PDE6A: variants seen among roughly 807,000 people sequenced by gnomAD.
The protein encoded by PDE6A is phosphodiesterase 6A.
A neutral mutation model predicts 106.3 loss-of-function variants in PDE6A; 84 were observed. The ratio of observed to expected loss-of-function variants is 0.79; its 90% CI spans 0.66 to 0.95. The LOEUF (loss-of-function observed/expected upper bound fraction) is 0.95. Ranked by LOEUF, PDE6A falls within the 40% of genes least tolerant of loss-of-function variation. PDE6A has a pLI of 0.00. For missense variants in PDE6A, 1,052 were observed against 1,084.9 expected, an observed-to-expected ratio of 0.97 and a Z score of 0.43; for synonymous variants, 394 against 386.6, an observed-to-expected ratio of 1.02 and a Z score of -0.23.
intron 20 of PDE6A, among the ~76,000 whole-genome samples, chr5:149,865,963 T>C (rs1423025755): frequency 3.3e-5 from 5 of 152,226 alleles, no homozygotes; most frequent in African/African-American, 1.2e-4. Context: ...ATTAAGCAAC[T>C]AGGATGTACC....
chr5:149,915,123 C>A, intron 5 of PDE6A, 116 bp from the exon 6 acceptor site: 1 of 637,530 alleles, frequency 1.6e-6, no homozygotes. Flanking sequence ...CAACCTCCAT[C>A]TCCTGCGTTC....
intron 11 of PDE6A, 103 bp downstream of exon 11, chr5:149,896,606 AAC>A (rs1463162839): frequency 6.2e-7 from 1 of 1,613,674 alleles, no homozygotes; most frequent in Non-Finnish European, 8.5e-7. Context: ...GAAGGATCAG[AAC>A]AGAGTGATGG....
chr5:149,895,956 T>C lies in PDE6A; in HGVS notation c.1620+400A>G, dbSNP rs1460272738. 2.0e-4 allele frequency among the ~76,000 whole-genome samples: 31 copies of C among 152,294 alleles called. 1 individual carries two copies. In the East Asian group the frequency reaches 6.0e-3, roughly 29 times the overall value. ...ATCCCACTGCCTCCCACACATACCTTCTCTGCCGTCCCCCATGACCCTAGA... is the reference window on the plus strand; with the variant it reads ...ATCCCACTGCCTCCCACACATACCTCCTCTGCCGTCCCCCATGACCCTAGA... On this transcript the variant is annotated intron_variant, in intron 12 of 21. Coordinates refer to ENST00000255266, the MANE Select transcript of PDE6A (RefSeq NM_000440.3).
intron 13 of PDE6A, among the ~76,000 whole-genome samples, chr5:149,889,665 G>A (rs1428965738): frequency 1.3e-5 from 2 of 152,090 alleles, no homozygotes; most frequent in South Asian, 2.1e-4. Context: ...CAGCACTCTG[G>A]GAGGCTGAGG....
intron 21 of PDE6A, among the ~76,000 whole-genome samples, chr5:149,862,757 C>CA (rs1431682139): frequency 6.6e-6 from 1 of 152,032 alleles, no homozygotes; most frequent in African/African-American, 2.4e-5. Context: ...GACTCCGGCT[C>CA]AAAAAATAAA....
At chr5:149,934,042 G>A (rs1385053967) in intron 2 of PDE6A, 23 bp from the exon 3 acceptor site, 6 of 1,330,324 alleles carry the variant, frequency 4.5e-6, no homozygotes, top group African/African-American at 1.4e-5. Context: ...CAGCATGAGG[G>A]GAGGCAGGTG....
At chr5:149,886,403 TCCTTTTGTGTAGGGGCTGGAAGCAGGG>T (rs1389593272) in intron 13 of PDE6A, 29 bp from the exon 14 acceptor site, 1 of 1,549,676 alleles carries the variant, frequency 6.5e-7, no homozygotes. Context: ...TGCAAATCAT[TCCTTTTGTGTAGGGGCTGGAAGCAGGG>T]CTGAAAAGGC....
At chr5:149,922,296 AATTATTATT>A (rs142378973) in intron 4 of PDE6A, among the ~76,000 whole-genome samples, 6 of 148,900 alleles carry the variant, frequency 4.0e-5, no homozygotes, top group Non-Finnish European at 8.9e-5. Flanking sequence ...ATTTACAACA[AATTATTATT>A]ATTATTATTA....
intron 3 of PDE6A, among the ~76,000 whole-genome samples, chr5:149,932,982 AGT>A (rs1754087808): frequency 6.6e-6 from 1 of 152,098 alleles, no homozygotes; most frequent in South Asian, 2.1e-4. Flanking sequence ...CAAAAGCTAA[AGT>A]GTTTGTTTTT....
At chr5:149,883,274 A>T (rs2544934) in intron 17 of PDE6A, among the ~76,000 whole-genome samples, 155 bp downstream of exon 17, 21,968 of 152,196 alleles carry the variant, frequency 0.14, 1,659 homozygotes, top group South Asian at 0.26. Context: ...GGCTTGTGCA[A>T]TTGGAATTTG....
At chr5:149,864,801 C>T (rs926088671) in intron 20 of PDE6A, among the ~76,000 whole-genome samples, 2 of 152,156 alleles carry the variant, frequency 1.3e-5, no homozygotes, top group African/African-American at 4.8e-5. Context: ...CCACAAACTG[C>T]GATCTTGGGC....
chr5:149,944,511 T>C lies in PDE6A; in HGVS notation c.163A>G (p.Met55Val), dbSNP rs1446146122. The change falls in exon 1 of 22, where the codon ATG (methionine) becomes GTG (valine). Residue 55 changes from methionine (M) to valine (V), a missense_variant. Physicochemically the swap from Met to Val is conservative, Grantham distance 21. This residue lies in a region of PDE6A where 913 missense variants were observed against 915.2 expected (regional missense o/e 1.00). Coordinates refer to ENST00000255266, the MANE Select transcript of PDE6A (RefSeq NM_000440.3). ...TCAAAGATGATTTCGCTCTCCTCCA[T>C]GCTGCTCGGGGAGTGGTAGTTGCTG... ...DFSNYHSPSS[M>V]EESEIIFDLL... is the part of the protein sequence containing the mutation. The C allele has an allele frequency of 1.2e-6, 2 of 1,614,186 alleles. No individual in the cohort carries two copies. The highest frequency in any genetic ancestry group is 1.7e-6 in the Non-Finnish European group (2 of 1,180,024).
chr5:149,910,305 G>C (rs1753334717), intron 6 of PDE6A, among the ~76,000 whole-genome samples: 1 of 152,084 alleles, frequency 6.6e-6, no homozygotes, highest in Admixed American at 6.5e-5. Context: ...TTCTCTTTCA[G>C]ATTAGTCTCC....
chr5:149,877,901 T>C (rs1413860875), intron 17 of PDE6A, among the ~76,000 whole-genome samples: 1 of 152,206 alleles, frequency 6.6e-6, no homozygotes, highest in Non-Finnish European at 1.5e-5. Context: ...TTTTCAGGGC[T>C]ACTGCAGGAC....
At chr5:149,920,378 C>T (rs1008330978) in intron 5 of PDE6A, among the ~76,000 whole-genome samples, 84 of 151,920 alleles carry the variant, frequency 5.5e-4, no homozygotes, top group Non-Finnish European at 8.8e-4. Flanking sequence ...GTCAGGAGTT[C>T]GAGACCAGCC....
Position 149,862,557 on chromosome 5 carries a change from G to A in PDE6A, c.2506+562C>T, listed in dbSNP as rs185176. Among the ~76,000 whole-genome samples the A allele has an allele frequency of 1.2e-4, 19 of 152,232 alleles. No individual in the cohort carries two copies. The East Asian group carries it at 2.3e-3, about 19-fold the overall frequency. ...GTGGATCACCTGAGGTCAGGAGTTC[G>A]AGACCAGCCTGGCCAACATGGTGAA... On this transcript the variant is annotated intron_variant, in intron 21 of 21. Transcript: ENST00000255266.
chr5:149,899,319 C>A, intron 9 of PDE6A, 56 bp downstream of exon 9: 1 of 1,587,518 alleles, frequency 6.3e-7, no homozygotes, highest in Non-Finnish European at 8.7e-7. Context: ...CACCCAGCCT[C>A]CCCCAGCAAG....
chr5:149,937,722 ATT>A (rs1379047957), intron 1 of PDE6A, among the ~76,000 whole-genome samples: 1 of 152,098 alleles, frequency 6.6e-6, no homozygotes, highest in Non-Finnish European at 1.5e-5. Context: ...TCATTCCCAG[ATT>A]CCTCATTTCC....
chr5:149,894,837 G>T (rs1752674177), intron 13 of PDE6A, among the ~76,000 whole-genome samples: 1 of 151,798 alleles, frequency 6.6e-6, no homozygotes, highest in Admixed American at 6.6e-5. Flanking sequence ...CACCATCTTG[G>T]CCAGGCTGGT....
Sources: allele counts gnomAD v4.1 joint callset (sites outside exome capture counted in the v4.1 genomes callset), GRCh38; gene constraint gnomAD v4.1.1; regional missense constraint gnomAD v4.1.1; transcripts MANE v1.5; gene names NCBI Gene and HGNC (gene_info 2026-07-23, HGNC 2026-07-21).